Variants in DLC1 observed in about 807,000 individuals in gnomAD.
DLC1 encodes DLC1 Rho GTPase activating protein, also known as rho GTPase-activating protein 7.
In DLC1, 54 loss-of-function variants were observed where a neutral mutation model predicts 140.3. The observed-to-expected ratio is 0.38, with a 90% confidence interval of 0.31 to 0.48. The LOEUF is 0.48. DLC1 is among the 20% of genes least tolerant of loss of function. DLC1 has a pLI of 0.96. For synonymous variants in DLC1, 986 were observed against 728.1 expected, an observed-to-expected ratio of 1.35 and a Z score of -5.70; for missense variants, 2,536 against 1,907.0, an observed-to-expected ratio of 1.33 and a Z score of -6.14.
intron 4 of DLC1, among the ~76,000 whole-genome samples, chr8:13,379,349 T>C (rs779230989): frequency 6.6e-6 from 1 of 152,186 alleles, no homozygotes; most frequent in Non-Finnish European, 1.5e-5. Flanking sequence ...ATGAATCCAT[T>C]GTAAGTTGAA....
intron 1 of DLC1, among the ~76,000 whole-genome samples, chr8:13,504,421 G>A (rs117493560): frequency 0.023 from 3,502 of 152,146 alleles, 61 homozygotes; most frequent in Non-Finnish European, 0.034. Context: ...CACCGCGCCC[G>A]GCCTTCAGAG....
chr8:13,164,845 T>C (rs955297654), intron 5 of DLC1, among the ~76,000 whole-genome samples: 1 of 152,214 alleles, frequency 6.6e-6, no homozygotes, highest in African/African-American at 2.4e-5. Flanking sequence ...CCTTAAACTA[T>C]ATTAGTGAAA....
At chr8:13,527,523 G>A (rs1380717408) in intron 1 of DLC1, among the ~76,000 whole-genome samples, 1 of 152,060 alleles carries the variant, frequency 6.6e-6, no homozygotes, top group East Asian at 1.9e-4. Context: ...TGTTCAAAGG[G>A]GATAACTGTC....
chr8:13,268,172 T>G (rs1252780571), intron 5 of DLC1, among the ~76,000 whole-genome samples: 3 of 152,230 alleles, frequency 2.0e-5, no homozygotes, highest in Non-Finnish European at 4.4e-5. Flanking sequence ...TAGGCTTTAG[T>G]ACTTTTAAAC....
chr8:13,532,782 T>G (rs770640200), intron 1 of DLC1, among the ~76,000 whole-genome samples: 3 of 152,164 alleles, frequency 2.0e-5, no homozygotes, highest in Non-Finnish European at 4.4e-5. Context: ...TGCCTTTTGG[T>G]ATGTTTGTGT....
At chr8:13,572,872 TA>T (rs1804711543) in intron 1 of DLC1, among the ~76,000 whole-genome samples, 1 of 152,206 alleles carries the variant, frequency 6.6e-6, no homozygotes, top group African/African-American at 2.4e-5. Context: ...ATAATATTTT[TA>T]TTACTGTGCT....
At chr8:13,221,726 G>GTATATATATA (rs377039517) in intron 5 of DLC1, among the ~76,000 whole-genome samples, 2 of 132,436 alleles carry the variant, frequency 1.5e-5, no homozygotes, top group African/African-American at 5.8e-5. Flanking sequence ...GTGTGTGTGT[G>GTATATATATA]TATATATATA....
chr8:13,558,717 A>C (rs1388643381), intron 1 of DLC1: 1 of 152,182 alleles, frequency 6.6e-6, no homozygotes, highest in Non-Finnish European at 1.5e-5. Flanking sequence ...TCTCAGTTAC[A>C]TCGAGGATTA....
At chr8:13,529,735 G>C (rs1803036631) in intron 1 of DLC1, among the ~76,000 whole-genome samples, 1 of 152,156 alleles carries the variant, frequency 6.6e-6, no homozygotes, top group Non-Finnish European at 1.5e-5. Flanking sequence ...AGAAAGATGA[G>C]ACTACTATGT....
chr8:13,363,085 C>G (rs1004059183), intron 4 of DLC1, among the ~76,000 whole-genome samples: 4 of 152,194 alleles, frequency 2.6e-5, no homozygotes, highest in Admixed American at 6.5e-5. Context: ...AGAGCCTACA[C>G]TTTGTGGGGG....
At chr8:13,433,979 C>T (rs1839000303) in intron 2 of DLC1, among the ~76,000 whole-genome samples, 2 of 152,190 alleles carry the variant, frequency 1.3e-5, no homozygotes, top group South Asian at 4.1e-4. Flanking sequence ...CCTCAGCCTC[C>T]CGAGCAGCTG....
At chr8:13,349,910 A>C (rs1238359003) in intron 4 of DLC1, among the ~76,000 whole-genome samples, 1 of 152,220 alleles carries the variant, frequency 6.6e-6, no homozygotes, top group Non-Finnish European at 1.5e-5. Flanking sequence ...GACTGGATCC[A>C]GCTGCATATG....
chr8:13,224,640 T>A (rs535905350), intron 5 of DLC1, among the ~76,000 whole-genome samples: 1 of 152,288 alleles, frequency 6.6e-6, no homozygotes, highest in South Asian at 2.1e-4. Context: ...TTCTGCTTTG[T>A]TTTTCCTGTA....
intron 2 of DLC1, among the ~76,000 whole-genome samples, chr8:13,469,051 C>A (rs1412345086): frequency 6.6e-6 from 1 of 151,580 alleles, no homozygotes; most frequent in Non-Finnish European, 1.5e-5. Flanking sequence ...GAACGCCTGA[C>A]CTCGTGATCT....
intron 4 of DLC1, among the ~76,000 whole-genome samples, chr8:13,365,899 C>T (rs113948070): frequency 1.3e-5 from 2 of 152,084 alleles, no homozygotes; most frequent in African/African-American, 4.8e-5. Flanking sequence ...TATTCATTTC[C>T]CTGAAGTCAC....
At chr8:13,396,939 C>CG (rs1308581255) in intron 3 of DLC1, among the ~76,000 whole-genome samples, 2 of 151,906 alleles carry the variant, frequency 1.3e-5, no homozygotes, top group Non-Finnish European at 2.9e-5. Context: ...CCCTGTTACC[C>CG]GCCCCCCCCA....
intron 1 of DLC1, among the ~76,000 whole-genome samples, chr8:13,587,299 AG>A (rs1334795401): frequency 6.6e-6 from 1 of 151,456 alleles, no homozygotes; most frequent in African/African-American, 2.4e-5. Flanking sequence ...GAAAAAAAAA[AG>A]AGAGAGAAAG....
At chr8:13,127,059 G>A (rs1185478021) in intron 5 of DLC1, among the ~76,000 whole-genome samples, 1 of 152,152 alleles carries the variant, frequency 6.6e-6, no homozygotes, top group East Asian at 1.9e-4. Context: ...ACCTCAAAGA[G>A]GAAACACTAT....
chr8:13,122,186 A>G (rs995521605), intron 5 of DLC1, among the ~76,000 whole-genome samples: 1 of 152,122 alleles, frequency 6.6e-6, no homozygotes, highest in Non-Finnish European at 1.5e-5. Flanking sequence ...AGAATTCTTT[A>G]GTGACTTTCC....
Sources: allele counts gnomAD v4.1 joint callset (sites outside exome capture counted in the v4.1 genomes callset), GRCh38; gene constraint gnomAD v4.1.1; transcripts MANE v1.5; gene names NCBI Gene and HGNC (gene_info 2026-07-23, HGNC 2026-07-21).